XPO4: variants seen among roughly 807,000 people sequenced by gnomAD.
The protein encoded by XPO4 is exportin 4, also known as exportin-4.
A neutral mutation model predicts 143.0 loss-of-function variants in XPO4; 39 were observed. The ratio of observed to expected loss-of-function variants is 0.27; its 90% confidence interval spans 0.21 to 0.36. The LOEUF (loss-of-function observed/expected upper bound fraction) is 0.36, where lower values mean the gene tolerates loss of function less well. Ranked by LOEUF, XPO4 falls within the 10% of genes least tolerant of loss-of-function variation. The probability of loss-of-function intolerance (pLI) is 1.00; values close to 1 mark genes in which losing one functional copy is unlikely to be tolerated. For missense variants in XPO4, 907 were observed against 1,348.0 expected, an observed-to-expected ratio of 0.67 and a Z score of 5.12; for synonymous variants, 439 against 474.0, an observed-to-expected ratio of 0.93 and a Z score of 0.96.
chr13:20,899,111 G>A (rs187861464), intron 1 of XPO4, among the ~76,000 whole-genome samples: 3 of 152,122 alleles, frequency 2.0e-5, no homozygotes, highest in African/African-American at 7.2e-5. Flanking sequence ...AAAGGGAGGG[G>A]ATCGGGGGGA....
At chr13:20,798,162 T>C (rs534162800) in intron 16 of XPO4, among the ~76,000 whole-genome samples, 18 of 151,010 alleles carry the variant, frequency 1.2e-4, no homozygotes, top group African/African-American at 4.1e-4. Context: ...GAAAATAGGG[T>C]TGTCATAGAT....
At chr13:20,814,133 G>C (rs1185359126) in intron 9 of XPO4, among the ~76,000 whole-genome samples, 1 of 146,294 alleles carries the variant, frequency 6.8e-6, no homozygotes, top group East Asian at 2.0e-4. Flanking sequence ...AAAATAAACA[G>C]ACTGGTAACA....
chr13:20,787,538 A>G lies in XPO4; in HGVS notation c.3108T>C (p.Cys1036=). 6.2e-7 allele frequency: 1 copy of G among 1,614,264 alleles called. No individual in the cohort carries two copies. The highest frequency in any genetic ancestry group is 8.5e-7 in the Non-Finnish European group (1 of 1,180,044). ...GTGAGTCTGTTTCTTGTGCTTTTGC[A>G]CACTGTTCAGCTAACGGTGTCAAGG... ...LEALTPLAEQ[C]AKAQETDSPL... is the part of the protein sequence containing the mutation. The change falls in exon 21 of 23, where the codon TGT becomes TGC. Residue 1036 remains cysteine (C), a synonymous_variant. Coordinates refer to ENST00000255305, the MANE Select transcript of XPO4 (RefSeq NM_022459.5).
intron 3 of XPO4, chr13:20,856,274 T>C (rs1338205867): frequency 4.2e-6 from 4 of 943,092 alleles, no homozygotes; most frequent in Non-Finnish European, 5.1e-6. Flanking sequence ...GGCAACATAC[T>C]AGCTATCCGA....
At chr13:20,862,247 T>A (rs34359163) in intron 3 of XPO4, among the ~76,000 whole-genome samples, 8,716 of 152,150 alleles carry the variant, frequency 0.057, 630 homozygotes, top group African/African-American at 0.17. Flanking sequence ...AATATAAAGG[T>A]TCTTCATCTA....
In XPO4 at chr13:20,868,653, T is replaced by C; in HGVS notation, c.118A>G (p.Ile40Val). Residue 40 changes from isoleucine to valine, a missense_variant, in exon 2 of 23, where the codon ATA (isoleucine) becomes GTA (valine). Transcript: ENST00000255305. ...TTTGATTTCCTAAATGATAAGAATA[T>C]GTGCTCTGCATGCTGGCGTTGTTCA... ...NNEQRQHAEH[I>V]FLSFRKSKSP... is the part of the protein sequence containing the mutation. 4 of 1,613,292 alleles carry C rather than the reference T, an allele frequency of 2.5e-6. No homozygotes were observed. The highest frequency in any genetic ancestry group is 3.4e-6 in the Non-Finnish European group (4 of 1,179,564).
chr13:20,880,527 G>A (rs35083651), intron 1 of XPO4, among the ~76,000 whole-genome samples: 10,183 of 152,134 alleles, frequency 0.067, 849 homozygotes, highest in African/African-American at 0.19. Context: ...CATATAAGCC[G>A]GTAATTCTAC....
At chr13:20,902,433 C>T in intron 1 of XPO4, 1 of 985,440 alleles carries the variant, frequency 1.0e-6, no homozygotes, top group African/African-American at 1.7e-5. Flanking sequence ...TATATTCCCA[C>T]GCCCGACTGG....
chr13:20,841,493 A>T (rs183239300), intron 6 of XPO4, among the ~76,000 whole-genome samples: 235 of 152,330 alleles, frequency 1.5e-3, no homozygotes, highest in African/African-American at 5.2e-3. Context: ...TATTAAAGAT[A>T]AAAAGTTGGT....
intron 1 of XPO4, among the ~76,000 whole-genome samples, chr13:20,898,417 T>C (rs2060589048): frequency 6.6e-6 from 1 of 152,070 alleles, no homozygotes; most frequent in Admixed American, 6.6e-5. Flanking sequence ...ATACAAAAAT[T>C]ACCCAGGCGT....
At chr13:20,862,396 C>T (rs898794300) in intron 3 of XPO4, among the ~76,000 whole-genome samples, 2 of 152,178 alleles carry the variant, frequency 1.3e-5, no homozygotes, top group Non-Finnish European at 2.9e-5. Context: ...TTTCATTAAG[C>T]ACCAAAACTA....
intron 3 of XPO4, chr13:20,856,773 C>T (rs1395812841): frequency 1.1e-6 from 1 of 917,312 alleles, no homozygotes; most frequent in African/African-American, 1.8e-5. Context: ...ACATATTGAC[C>T]TTTCAGTTCC....
At chr13:20,889,561 G>A (rs1381743930) in intron 1 of XPO4, among the ~76,000 whole-genome samples, 1 of 152,068 alleles carries the variant, frequency 6.6e-6, no homozygotes. Flanking sequence ...GCAACAAAAA[G>A]TATCCACCCG....
chr13:20,871,988 T>A lies in XPO4; in HGVS notation c.70-3287A>T, dbSNP rs1464416936. On this transcript the variant is annotated intron_variant, in intron 1 of 22. Transcript: ENST00000255305. ...AATGGCAGGATGGTAGTCACTTTAG[T>A]TTTTCTACAACCAGAATTTTAAATT... 6.6e-5 allele frequency among the ~76,000 whole-genome samples: 10 copies of A among 152,318 alleles called. No homozygotes were observed. In the East Asian group the frequency reaches 1.5e-3, roughly 23 times the overall value.
In XPO4 at chr13:20,880,781, A is replaced by G. The variant is rs1001099889; in HGVS notation, c.70-12080T>C. Among the ~76,000 whole-genome samples, 5 of 152,034 alleles carry G rather than the reference A, an allele frequency of 3.3e-5. No individual in the cohort carries two copies. The East Asian group carries it at 7.7e-4, about 24-fold the overall frequency. On this transcript the variant is annotated intron_variant, in intron 1 of 22. Transcript: ENST00000255305. ...AGACCAGCCTGGGAAACATGGTGAA[A>G]CCCCATCTCTACGAACACATACAAA...
Position 20,779,576 on chromosome 13 carries a change from C to T in XPO4, c.*4146G>A, listed in dbSNP as rs1376101322. 6.6e-6 allele frequency: 1 copy of T among 152,384 alleles called. No individual in the cohort carries two copies. The highest frequency in any genetic ancestry group is 1.5e-5 in the Non-Finnish European group (1 of 68,024). 9.4% of individuals were successfully genotyped at this position (152,384 alleles called of 1,614,324 possible). A position where few individuals can be genotyped will look rare whatever the true frequency, so the allele number is the denominator to read the frequency against. ...TGGGAGAGGAGGGTAAAGATGTGAG[C>T]TTCAAGCGGGTAATGGGCAAGCCAC... On this transcript the variant is annotated 3_prime_UTR_variant, in exon 23 of 23. Coordinates refer to ENST00000255305, the MANE Select transcript of XPO4 (RefSeq NM_022459.5).
intron 6 of XPO4, among the ~76,000 whole-genome samples, chr13:20,838,375 T>G (rs1338917835): frequency 6.6e-6 from 1 of 151,286 alleles, no homozygotes; most frequent in East Asian, 2.0e-4. Context: ...TTTGGGAGGC[T>G]GAGATGGGTG....
chr13:20,800,000 C>A (rs1459903757), intron 15 of XPO4, among the ~76,000 whole-genome samples, 156 bp downstream of exon 15: 1 of 152,146 alleles, frequency 6.6e-6, no homozygotes, highest in Non-Finnish European at 1.5e-5. Flanking sequence ...AGTACTGTGA[C>A]ATAGTTTTTA....
intron 3 of XPO4, chr13:20,859,885 C>T (rs1041371635): frequency 4.1e-6 from 4 of 981,172 alleles, no homozygotes; most frequent in South Asian, 9.4e-5. Flanking sequence ...ATTTGCTACA[C>T]ATTTAAGTCT....
Sources: gnomAD v4.1 joint callset for allele counts (sites outside exome capture counted in the v4.1 genomes callset) on GRCh38, gnomAD v4.1.1 for gene constraint, MANE v1.5 for transcripts, NCBI Gene and HGNC (gene_info 2026-07-23, HGNC 2026-07-21) for gene names.